The following EDRF1 variants were observed in gnomAD, a reference collection of about 807,000 sequenced individuals.
EDRF1 encodes erythroid differentiation regulatory factor 1, also known as erythroid differentiation-related factor 1.
Under a neutral mutation model 148.7 loss-of-function variants are expected in EDRF1, and 69 were observed. That is an observed-to-expected ratio of 0.46 (90% CI 0.38 to 0.57). EDRF1 has a LOEUF of 0.57. Among genes scored for constraint, EDRF1 ranks in the 20% least tolerant of loss-of-function variants. The pLI is 0.00. For missense variants in EDRF1, 1,118 were observed against 1,478.7 expected, an observed-to-expected ratio of 0.76 and a Z score of 4.00; for synonymous variants, 515 against 532.8, an observed-to-expected ratio of 0.97 and a Z score of 0.46.
intron 21 of EDRF1, 90 bp from the exon 22 acceptor site, chr10:125,749,322 C>G: frequency 6.9e-7 from 1 of 1,453,634 alleles, no homozygotes; most frequent in Non-Finnish European, 9.7e-7. Context: ...TAGTAAGACC[C>G]ACAGTGGGGG....
At position 125,747,962 on chromosome 10, in the gene EDRF1, A is replaced by G. The variant is rs760936245; in HGVS notation, c.3073A>G (p.Thr1025Ala). 8.7e-6 allele frequency: 14 copies of G among 1,614,218 alleles called. No homozygotes were observed. The highest frequency in any genetic ancestry group is 1.2e-5 in the Non-Finnish European group (14 of 1,180,026). Reference protein sequence around the residue: ...RQPLCQYRAATIHHRLASMYH... With the variant: ...RQPLCQYRAAAIHHRLASMYH... Reference sequence around the variant, plus strand: ...GCCCCTTTGTCAGTATCGAGCTGCAACCATCCATCACAGGCTGGCCTCCAT... The same window carrying G: ...GCCCCTTTGTCAGTATCGAGCTGCAGCCATCCATCACAGGCTGGCCTCCAT... Residue 1025 changes from threonine (T) to alanine (A), a missense_variant, in exon 21 of 25, where the codon ACC becomes GCC. Physicochemically the swap from Thr to Ala is moderately conservative, Grantham distance 58. Coordinates refer to ENST00000356792, the MANE Select transcript of EDRF1 (RefSeq NM_001202438.2).
At chr10:125,757,501 AC>A in intron 24 of EDRF1, among the ~76,000 whole-genome samples, 1 of 152,218 alleles carries the variant, frequency 6.6e-6, no homozygotes. Flanking sequence ...ATTAAAGGGA[AC>A]AGGAAATTTT....
intron 24 of EDRF1, among the ~76,000 whole-genome samples, chr10:125,754,800 A>G (rs762340490): frequency 5.3e-5 from 8 of 152,258 alleles, no homozygotes; most frequent in Non-Finnish European, 1.2e-4. Context: ...AGAAAAGGAA[A>G]TGACAACCAT....
At position 125,741,080 on chromosome 10, in the gene EDRF1, T is replaced by C. The variant is rs760706160; in HGVS notation, c.2250T>C (p.Asp750=). 6 of 1,614,206 alleles carry C rather than the reference T, an allele frequency of 3.7e-6. No individual in the cohort carries two copies. The highest frequency in any genetic ancestry group is 5.1e-6 in the Non-Finnish European group (6 of 1,180,042). Reference sequence around the variant, plus strand: ...CTCAATATTTGACACTTTGTGGTGATATCCAACTAATGCTGGCCCAGAATG... The same window carrying C: ...CTCAATATTTGACACTTTGTGGTGACATCCAACTAATGCTGGCCCAGAATG... ...FLSQYLTLCG[D]IQLMLAQNAN... Residue 750 remains aspartate (D), a synonymous_variant, in exon 17 of 25, where the codon GAT becomes GAC. Coordinates refer to ENST00000356792, the MANE Select transcript of EDRF1 (RefSeq NM_001202438.2).
Position 125,737,994 on chromosome 10 carries a change from GTT to G in EDRF1, c.1830+7_1830+8del. ...GTGCTTAGCTATGTTCTAGAGGTAA[GTT>G]TAAGTTTAGTCTTCACTTTTTTCGT... On this transcript the variant is annotated splice_donor_region_variant and intron_variant, in intron 14 of 24. Transcript: ENST00000356792. 6.2e-7 allele frequency: 1 copy of G among 1,613,632 alleles called. No homozygotes were observed. Among genetic ancestry groups the G allele is most frequent in the Non-Finnish European group, 8.5e-7 (1 of 1,179,626 alleles).
Position 125,738,461 on chromosome 10 carries a change from G to T in EDRF1, c.1981+16G>T. 2 of 1,613,950 alleles carry T rather than the reference G, an allele frequency of 1.2e-6. No homozygotes were observed. Among genetic ancestry groups the T allele is most frequent in the South Asian group, 2.2e-5 (2 of 91,070 alleles). Reference sequence around the variant, plus strand: ...TTGGACAAAAGTAAGTTGAATTGATGTGCAAATAAGGCCTTCAATAGAATA... The same window carrying T: ...TTGGACAAAAGTAAGTTGAATTGATTTGCAAATAAGGCCTTCAATAGAATA... On this transcript the variant is annotated intron_variant, in intron 15 of 24. Transcript: ENST00000356792.
intron 24 of EDRF1, among the ~76,000 whole-genome samples, chr10:125,760,420 T>C (rs1850142285): frequency 6.6e-6 from 1 of 152,236 alleles, no homozygotes; most frequent in African/African-American, 2.4e-5. Flanking sequence ...AGGTTATTAA[T>C]ATTCTGCTGA....
intron 9 of EDRF1, among the ~76,000 whole-genome samples, chr10:125,731,186 T>G (rs1242326787): frequency 6.6e-6 from 1 of 152,148 alleles, no homozygotes; most frequent in Non-Finnish European, 1.5e-5. Context: ...AATAAATAAT[T>G]GTTGAAGGAA....
intron 11 of EDRF1, 83 bp downstream of exon 11, chr10:125,733,826 G>T (rs1020433252): frequency 7.9e-5 from 99 of 1,247,314 alleles, no homozygotes; most frequent in Middle Eastern, 3.8e-4. Flanking sequence ...CCAAACCAAG[G>T]CTTTTAAATG....
intron 24 of EDRF1, chr10:125,756,641 T>C (rs1222947587): frequency 6.6e-6 from 2 of 305,138 alleles, no homozygotes; most frequent in African/African-American, 2.3e-5. Context: ...AGGATTGTGA[T>C]ATCTGGGAGA....
chr10:125,755,806 C>G (rs1175248146), intron 24 of EDRF1, among the ~76,000 whole-genome samples: 1 of 152,114 alleles, frequency 6.6e-6, no homozygotes, highest in African/African-American at 2.4e-5. Flanking sequence ...GATAGCCCTT[C>G]TTTTAGTCCT....
intron 13 of EDRF1, among the ~76,000 whole-genome samples, chr10:125,737,297 G>A (rs571290863): frequency 1.3e-5 from 2 of 152,310 alleles, no homozygotes; most frequent in Non-Finnish European, 2.9e-5. Context: ...TGCAGTCTTA[G>A]TATTCATATA....
Position 125,738,369 on chromosome 10 carries a change from G to A in EDRF1, c.1905G>A (p.Pro635=), listed in dbSNP as rs199597232. The change falls in exon 15 of 25, where the codon CCG becomes CCA. Residue 635 remains proline, a synonymous_variant. Coordinates refer to ENST00000356792, the MANE Select transcript of EDRF1 (RefSeq NM_001202438.2). ...LPAADPSTPI[P]LKYEDESSRG... is the part of the protein sequence containing the mutation. The stretch of plus-strand genomic sequence containing the variant: ...CAGCTGACCCCAGCACTCCAATCCC[G>A]TTAAAATATGAAGATGAATCCTCAA... 2.4e-5 allele frequency: 38 copies of A among 1,614,044 alleles called. 1 individual carries two copies. The highest frequency in any genetic ancestry group is 1.6e-4 in the Middle Eastern group (1 of 6,062).
At chr10:125,731,059 A>G (rs1848462096) in intron 9 of EDRF1, among the ~76,000 whole-genome samples, 1 of 152,132 alleles carries the variant, frequency 6.6e-6, no homozygotes, top group Admixed American at 6.5e-5. Context: ...AAGCAGGAGG[A>G]TCACTTGAGC....
chr10:125,734,042 C>A, intron 11 of EDRF1, 30 bp from the exon 12 acceptor site: 1 of 1,526,268 alleles, frequency 6.6e-7, no homozygotes, highest in Non-Finnish European at 9.1e-7. Flanking sequence ...ATGAAATGGG[C>A]AGTAAAGTTG....
intron 6 of EDRF1, among the ~76,000 whole-genome samples, chr10:125,728,608 C>T (rs1256429358): frequency 1.3e-5 from 2 of 152,086 alleles, no homozygotes; most frequent in Admixed American, 6.5e-5. Context: ...TCTCCCCTGT[C>T]GACCTCCCAC....
chr10:125,733,121 T>C (rs1323322640), intron 9 of EDRF1, among the ~76,000 whole-genome samples: 1 of 152,224 alleles, frequency 6.6e-6, no homozygotes, highest in African/African-American at 2.4e-5. Context: ...ATTTGTTCCA[T>C]GTTAGAACAG....
chr10:125,719,812 G>C lies in EDRF1; in HGVS notation c.5G>C (p.Gly2Ala). The C allele has an allele frequency of 6.2e-7, 1 of 1,610,446 alleles. No individual in the cohort carries two copies. The highest frequency in any genetic ancestry group is 8.5e-7 in the Non-Finnish European group (1 of 1,178,508). The change falls in exon 1 of 25, where the codon GGG becomes GCG. Residue 2 changes from glycine (G) to alanine (A), a missense_variant. This residue lies in a region of EDRF1 where 65 missense variants were observed against 50.3 expected (regional missense o/e 1.29). Coordinates refer to ENST00000356792, the MANE Select transcript of EDRF1 (RefSeq NM_001202438.2). ...CGCCTGCCCTGGATCGAAGTGATGG[G>C]GGATGCCAAGGAGGCCGGAGCCGAG... Reference protein sequence around the residue: MGDAKEAGAEGP... With the variant: MADAKEAGAEGP...
chr10:125,744,372 T>C (rs1331363595), intron 18 of EDRF1, among the ~76,000 whole-genome samples: 1 of 152,082 alleles, frequency 6.6e-6, no homozygotes, highest in Non-Finnish European at 1.5e-5. Flanking sequence ...TTTTTAGAGA[T>C]GAAGTCTTGC....
Sources: gnomAD v4.1 joint callset for allele counts (sites outside exome capture counted in the v4.1 genomes callset) on GRCh38, gnomAD v4.1.1 for gene constraint, gnomAD v4.1.1 regional missense constraint, MANE v1.5 for transcripts, NCBI Gene and HGNC (gene_info 2026-07-23, HGNC 2026-07-21) for gene names.